Variants in CDH8 observed in about 807,000 individuals in gnomAD.
The protein encoded by CDH8 is cadherin 8.
A neutral mutation model predicts 68.1 loss-of-function variants in CDH8; 17 were observed. That is an observed-to-expected ratio of 0.25 (90% CI 0.17 to 0.37). The LOEUF is 0.37. Ranked by LOEUF, CDH8 falls within the 10% of genes least tolerant of loss-of-function variation. The pLI is 1.00. For missense variants in CDH8, 763 were observed against 999.3 expected, an observed-to-expected ratio of 0.76 and a Z score of 3.19; for synonymous variants, 372 against 365.1, an observed-to-expected ratio of 1.02 and a Z score of -0.21.
chr16:61,696,291 G>A (rs1567427457), intron 10 of CDH8, among the ~76,000 whole-genome samples: 1 of 152,144 alleles, frequency 6.6e-6, no homozygotes, highest in Non-Finnish European at 1.5e-5. Flanking sequence ...CAATCAAGTG[G>A]CTCCAGTGGA....
intron 2 of CDH8, among the ~76,000 whole-genome samples, chr16:62,002,098 C>T (rs1965902669): frequency 6.6e-6 from 1 of 151,918 alleles, no homozygotes; most frequent in Non-Finnish European, 1.5e-5. Flanking sequence ...ATAGCATGTC[C>T]CTAGTAGATA....
intron 1 of CDH8, among the ~76,000 whole-genome samples, chr16:62,028,360 G>A (rs530988851): frequency 6.6e-6 from 1 of 151,958 alleles, no homozygotes; most frequent in African/African-American, 2.4e-5. Flanking sequence ...GAGCCACCGC[G>A]ACCGGCCTCA....
chr16:61,663,384 AG>A (rs1963606429), intron 10 of CDH8, among the ~76,000 whole-genome samples: 1 of 152,082 alleles, frequency 6.6e-6, no homozygotes, highest in Non-Finnish European at 1.5e-5. Flanking sequence ...ACAATGCTAA[AG>A]GCAGTCATCT....
chr16:61,665,862 T>C (rs1375212659), intron 10 of CDH8, among the ~76,000 whole-genome samples: 1 of 140,152 alleles, frequency 7.1e-6, no homozygotes, highest in East Asian at 2.6e-4. Flanking sequence ...CCTTCCTTCC[T>C]TGCCTCTTTC....
intron 2 of CDH8, among the ~76,000 whole-genome samples, chr16:61,979,950 C>A (rs1415172996): frequency 1.3e-5 from 2 of 152,118 alleles, no homozygotes; most frequent in Non-Finnish European, 2.9e-5. Context: ...TTCTTAAGTA[C>A]TACTGTATAA....
In CDH8 at chr16:61,662,936, C is replaced by T. The variant is rs373514445; in HGVS notation, c.1655-7215G>A. On this transcript the variant is annotated intron_variant, in intron 10 of 11. Coordinates refer to ENST00000577390, the MANE Select transcript of CDH8 (RefSeq NM_001796.5). The stretch of plus-strand genomic sequence containing the variant: ...TTCCTCATTCTTTTGTAATGCTTTA[C>T]AGATAAATAATATACCAAGAAAAAA... Among the ~76,000 whole-genome samples the T allele has an allele frequency of 5.9e-5, 9 of 151,884 alleles. No homozygotes were observed. The East Asian group carries it at 9.7e-4, about 16-fold the overall frequency.
chr16:61,727,487 CA>C (rs1384367746), intron 8 of CDH8, among the ~76,000 whole-genome samples: 14 of 150,968 alleles, frequency 9.3e-5, no homozygotes, highest in Non-Finnish European at 2.1e-4. Flanking sequence ...TTTGATAAAG[CA>C]AGCTTTATTT....
chr16:61,988,649 A>C (rs965124901), intron 2 of CDH8, among the ~76,000 whole-genome samples: 2 of 152,224 alleles, frequency 1.3e-5, no homozygotes, highest in African/African-American at 4.8e-5. Context: ...CCTTTACTAA[A>C]TAAACACAAA....
At position 61,846,842 on chromosome 16, in the gene CDH8, A is replaced by G. The variant is rs923991969; in HGVS notation, c.667+10277T>C. Among the ~76,000 whole-genome samples the G allele has an allele frequency of 2.0e-5, 3 of 152,094 alleles. No homozygotes were observed. The East Asian group carries it at 5.8e-4, about 29-fold the overall frequency. On this transcript the variant is annotated intron_variant, in intron 4 of 11. Coordinates refer to ENST00000577390, the MANE Select transcript of CDH8 (RefSeq NM_001796.5). ...GAGTTACATTCCACTGTAATAAATG[A>G]GAAGTCACTGCTTCTAGAAGGGAAG...
At chr16:61,790,124 T>C (rs1230127618) in intron 7 of CDH8, among the ~76,000 whole-genome samples, 3 of 152,022 alleles carry the variant, frequency 2.0e-5, no homozygotes, top group South Asian at 4.1e-4. Flanking sequence ...AGAATCGATA[T>C]TTTAACATAT....
intron 8 of CDH8, among the ~76,000 whole-genome samples, chr16:61,781,317 A>G (rs1961046881): frequency 6.6e-6 from 1 of 152,184 alleles, no homozygotes; most frequent in Non-Finnish European, 1.5e-5. Context: ...TCTTATTTTA[A>G]AAAGGTGGCA....
chr16:61,930,705 T>C (rs778053487), intron 2 of CDH8, among the ~76,000 whole-genome samples: 3 of 152,230 alleles, frequency 2.0e-5, no homozygotes, highest in Non-Finnish European at 2.9e-5. Context: ...TTTTCAGTCC[T>C]GGTAAAATAA....
intron 2 of CDH8, among the ~76,000 whole-genome samples, chr16:61,960,871 C>T (rs1965142451): frequency 6.6e-6 from 1 of 152,142 alleles, no homozygotes; most frequent in African/African-American, 2.4e-5. Context: ...GCCCACTTTC[C>T]CTTGTCTGCA....
intron 10 of CDH8, among the ~76,000 whole-genome samples, chr16:61,663,205 T>C (rs2142759941): frequency 6.6e-6 from 1 of 152,200 alleles, no homozygotes; most frequent in South Asian, 2.1e-4. Flanking sequence ...TTCAAGTACG[T>C]AGACTTGCTT....
At chr16:61,841,950 C>G (rs1481100863) in intron 4 of CDH8, among the ~76,000 whole-genome samples, 1 of 152,032 alleles carries the variant, frequency 6.6e-6, no homozygotes, top group Non-Finnish European at 1.5e-5. Context: ...TGCAGTGGCA[C>G]GATCTCGGTT....
intron 8 of CDH8, among the ~76,000 whole-genome samples, chr16:61,777,761 C>A (rs1287410757): frequency 2.0e-5 from 3 of 152,108 alleles, no homozygotes; most frequent in Non-Finnish European, 2.9e-5. Flanking sequence ...ATAAAACTGA[C>A]ATGGGCTATG....
At chr16:61,926,612 A>G (rs1964460769) in intron 2 of CDH8, among the ~76,000 whole-genome samples, 2 of 152,208 alleles carry the variant, frequency 1.3e-5, no homozygotes, top group South Asian at 4.1e-4. Flanking sequence ...CCAGCATTTA[A>G]GCAATTGTTG....
chr16:61,914,394 G>A (rs1352929750), intron 2 of CDH8, among the ~76,000 whole-genome samples: 1 of 152,160 alleles, frequency 6.6e-6, no homozygotes, highest in Non-Finnish European at 1.5e-5. Flanking sequence ...AGGTGTGGTA[G>A]GTGGGATAGT....
intron 3 of CDH8, among the ~76,000 whole-genome samples, chr16:61,894,772 A>G (rs1358517225): frequency 6.6e-6 from 1 of 152,176 alleles, no homozygotes; most frequent in African/African-American, 2.4e-5. Flanking sequence ...GTCGTTGTTC[A>G]AGGAGACTTG....
Sources: gnomAD v4.1 joint callset for allele counts (sites outside exome capture counted in the v4.1 genomes callset) on GRCh38, gnomAD v4.1.1 for gene constraint, MANE v1.5 for transcripts, NCBI Gene and HGNC (gene_info 2026-07-23, HGNC 2026-07-21) for gene names.